The following GALNT8 variants were observed in gnomAD, a reference collection of about 807,000 sequenced individuals.
GALNT8 encodes probable polypeptide N-acetylgalactosaminyltransferase 8.
A neutral mutation model predicts 62.7 loss-of-function variants in GALNT8; 66 were observed. The ratio of observed to expected loss-of-function variants is 1.05; its 90% CI spans 0.86 to 1.29. The LOEUF (loss-of-function observed/expected upper bound fraction) is 1.29, where lower values mean the gene tolerates loss of function less well. GALNT8 is among the 50% of genes most tolerant of loss of function. The pLI is 0.00. For missense variants in GALNT8, 771 were observed against 791.8 expected, an observed-to-expected ratio of 0.97 and a Z score of 0.32; for synonymous variants, 288 against 294.3, an observed-to-expected ratio of 0.98 and a Z score of 0.22.
intron 10 of GALNT8, among the ~76,000 whole-genome samples, 162 bp downstream of exon 10, chr12:4,765,708 G>T (rs1045691365): frequency 6.6e-6 from 1 of 152,156 alleles, no homozygotes; most frequent in Non-Finnish European, 1.5e-5. Flanking sequence ...TGGAAGGCAG[G>T]ACATCCAGGG....
intron 5 of GALNT8, 149 bp from the exon 6 acceptor site, chr12:4,745,995 C>T (rs545591867): frequency 1.2e-4 from 76 of 618,102 alleles, no homozygotes; most frequent in Non-Finnish European, 2.1e-4. Flanking sequence ...AAGCTACATG[C>T]ACTTAGTCTT....
chr12:4,740,965 CA>C (rs1253460329), intron 3 of GALNT8, among the ~76,000 whole-genome samples: 7 of 152,142 alleles, frequency 4.6e-5, no homozygotes, highest in Admixed American at 3.3e-4. Flanking sequence ...GGTAGCCTCT[CA>C]GCAATTGTTG....
At chr12:4,746,875 A>C (rs1000377831) in intron 6 of GALNT8, among the ~76,000 whole-genome samples, 1 of 152,156 alleles carries the variant, frequency 6.6e-6, no homozygotes, top group Non-Finnish European at 1.5e-5. Flanking sequence ...CCTGGGCAAC[A>C]TGGTGAAACC....
chr12:4,739,773 T>C (rs1228650539), intron 3 of GALNT8, among the ~76,000 whole-genome samples: 3 of 151,820 alleles, frequency 2.0e-5, no homozygotes, highest in Non-Finnish European at 4.4e-5. Context: ...CGCGCCATTC[T>C]CCTGCCTCAG....
rs1946369321 is a variant in GALNT8, at chr12:4,761,014, A to G, written c.1230A>G (p.Leu410=). The G allele has an allele frequency of 6.2e-7, 1 of 1,614,118 alleles. No individual in the cohort carries two copies. The highest frequency in any genetic ancestry group is 1.1e-5 in the South Asian group (1 of 91,088). The stretch of plus-strand genomic sequence containing the variant: ...TGCCCTGTTCCCGGATTGCCCACCT[A>G]GAGAGACACCACAAGCCCTACGCCT... ...EILPCSRIAH[L]ERHHKPYALD... The change falls in exon 7 of 11, where the codon CTA becomes CTG. Residue 410 remains leucine (L), a synonymous_variant. Transcript: ENST00000252318.
chr12:4,757,708 T>C (rs1278033612), intron 6 of GALNT8, among the ~76,000 whole-genome samples: 3 of 152,240 alleles, frequency 2.0e-5, no homozygotes, highest in Non-Finnish European at 4.4e-5. Context: ...CTGGGAAATA[T>C]AGATTTTAGT....
At chr12:4,724,957 C>T (rs975913338) in intron 1 of GALNT8, among the ~76,000 whole-genome samples, 6 of 152,196 alleles carry the variant, frequency 3.9e-5, no homozygotes, top group Admixed American at 6.5e-5. Context: ...AAAATTCACA[C>T]GATGGGGCTG....
chr12:4,730,550 T>C (rs544694840), intron 2 of GALNT8, among the ~76,000 whole-genome samples: 2 of 152,364 alleles, frequency 1.3e-5, no homozygotes, highest in South Asian at 2.1e-4. Flanking sequence ...CTGTGTTCTA[T>C]ATTCTGTTCC....
chr12:4,735,038 G>A (rs534201230), intron 2 of GALNT8, among the ~76,000 whole-genome samples: 1 of 152,294 alleles, frequency 6.6e-6, no homozygotes, highest in South Asian at 2.1e-4. Flanking sequence ...CTATCTGCTG[G>A]AAAAGTGGTT....
chr12:4,754,423 A>G (rs545504738), intron 6 of GALNT8, among the ~76,000 whole-genome samples: 1 of 152,306 alleles, frequency 6.6e-6, no homozygotes, highest in African/African-American at 2.4e-5. Context: ...TCAAACCACA[A>G]GACACACTTC....
At chr12:4,765,350 T>A in intron 9 of GALNT8, 29 bp from the exon 10 acceptor site, 1 of 1,446,402 alleles carries the variant, frequency 6.9e-7, no homozygotes, top group Non-Finnish European at 9.1e-7. Flanking sequence ...GTGAGCCCTC[T>A]GCTTTTTTTT....
At chr12:4,745,709 G>A (rs965250511) in intron 5 of GALNT8, 83 bp downstream of exon 5, 6 of 1,049,966 alleles carry the variant, frequency 5.7e-6, no homozygotes, top group African/African-American at 4.7e-5. Context: ...ATCTTTGGTG[G>A]TAGTAATTGG....
intron 10 of GALNT8, among the ~76,000 whole-genome samples, chr12:4,772,225 C>T (rs960782720): frequency 2.6e-5 from 4 of 152,182 alleles, no homozygotes; most frequent in African/African-American, 9.7e-5. Context: ...ACGAAGCCAG[C>T]GCAACATCGC....
intron 10 of GALNT8, among the ~76,000 whole-genome samples, chr12:4,771,756 C>T (rs1422853500): frequency 6.6e-6 from 1 of 152,054 alleles, no homozygotes; most frequent in African/African-American, 2.4e-5. Flanking sequence ...GAGCAGAGGG[C>T]AGGACCAGGA....
chr12:4,729,132 CTG>C (rs79974158), intron 2 of GALNT8, among the ~76,000 whole-genome samples: 61,324 of 151,750 alleles, frequency 0.4, 12,556 homozygotes, highest in Admixed American at 0.44. Context: ...GGAAATGTGA[CTG>C]TTTTTAAAAA....
chr12:4,765,638 G>A, intron 10 of GALNT8, 92 bp downstream of exon 10: 3 of 952,478 alleles, frequency 3.1e-6, no homozygotes, highest in Non-Finnish European at 4.7e-6. Flanking sequence ...CTAGAGTGCA[G>A]TGGCTTCTCA....
At position 4,763,405 on chromosome 12, in the gene GALNT8, A is replaced by AT. The variant is rs768552162; in HGVS notation, c.1497+17dup. 1.2e-6 allele frequency: 2 copies of AT among 1,601,400 alleles called. No individual in the cohort carries two copies. Among genetic ancestry groups the AT allele is most frequent in the Admixed American group, 3.4e-5 (2 of 58,984 alleles). On this transcript the variant is annotated intron_variant, in intron 8 of 10. Transcript: ENST00000252318. The stretch of plus-strand genomic sequence containing the variant: ...GCTATGGAAGAGTATGTATTATGAA[A>AT]TTGCACTTTGGATTTTAAATGTTTG...
intron 2 of GALNT8, among the ~76,000 whole-genome samples, chr12:4,728,951 T>G (rs1946208559): frequency 1.3e-5 from 2 of 152,154 alleles, no homozygotes; most frequent in African/African-American, 4.8e-5. Flanking sequence ...ATCTGTAGAT[T>G]TGTGGAGGAC....
chr12:4,762,873 CAG>C (rs557586522), intron 7 of GALNT8, among the ~76,000 whole-genome samples: 138 of 152,324 alleles, frequency 9.1e-4, no homozygotes, highest in Non-Finnish European at 1.6e-3. Context: ...ACAGCAGATT[CAG>C]AGACTCCAGC....
Sources: allele counts gnomAD v4.1 joint callset (sites outside exome capture counted in the v4.1 genomes callset), GRCh38; gene constraint gnomAD v4.1.1; transcripts MANE v1.5; gene names NCBI Gene and HGNC (gene_info 2026-07-23, HGNC 2026-07-21).